SUPT3H: variants seen among roughly 807,000 people sequenced by gnomAD.
SUPT3H encodes the protein transcription initiation protein SPT3 homolog.
SUPT3H carries 44 observed loss-of-function variants against 44.3 expected under a neutral mutation model. That is an observed-to-expected ratio of 0.99 (90% CI 0.78 to 1.28). SUPT3H has a LOEUF of 1.28. Among genes scored for constraint, SUPT3H ranks in the 50% most tolerant of loss-of-function variants. The pLI, the probability that SUPT3H is intolerant of heterozygous loss-of-function variation, is 0.00. For missense variants in SUPT3H, 380 were observed against 387.1 expected (o/e 0.98, Z 0.15); for synonymous variants, 124 against 125.6 (o/e 0.99, Z 0.09).
intron 2 of SUPT3H, among the ~76,000 whole-genome samples, chr6:45,122,908 A>G (rs1054994041): frequency 6.6e-6 from 1 of 152,150 alleles, no homozygotes; most frequent in Non-Finnish European, 1.5e-5. Flanking sequence ...TACATGTTCT[A>G]TTTTCAGCTT....
Position 45,289,016 on chromosome 6 carries a change from T to C in SUPT3H, c.101+76185A>G, listed in dbSNP as rs750662932. Among the ~76,000 whole-genome samples, 29 of 152,106 alleles carry C rather than the reference T, an allele frequency of 1.9e-4. 1 individual carries two copies. The highest frequency in any genetic ancestry group is 4.6e-4 in the Admixed American group (7 of 15,258). On this transcript the variant is annotated intron_variant, in intron 2 of 10. Transcript: ENST00000371459. ...AGGATCCATAGGAGCTATTTCTCTCTACTCTCAGCATCGGGCCAGGATTAG... is the reference window on the plus strand; with the variant it reads ...AGGATCCATAGGAGCTATTTCTCTCCACTCTCAGCATCGGGCCAGGATTAG...
chr6:45,252,894 G>A (rs1361916233), intron 2 of SUPT3H, among the ~76,000 whole-genome samples: 2 of 152,046 alleles, frequency 1.3e-5, no homozygotes, highest in Middle Eastern at 3.2e-3. Context: ...GATTATTCCT[G>A]GGAGGACTGG....
chr6:44,998,808 A>G (rs1337817434), intron 6 of SUPT3H, among the ~76,000 whole-genome samples: 1 of 151,520 alleles, frequency 6.6e-6, no homozygotes, highest in Non-Finnish European at 1.5e-5. Flanking sequence ...TCTCTATTTT[A>G]TTGTAAAATT....
intron 2 of SUPT3H, among the ~76,000 whole-genome samples, chr6:45,228,380 AAG>A (rs1041701154): frequency 6.6e-6 from 1 of 152,164 alleles, no homozygotes; most frequent in Admixed American, 6.5e-5. Context: ...TCCTCCAAGT[AAG>A]AGAGAATTTT....
At chr6:44,950,492 G>A (rs1463194835) in intron 9 of SUPT3H, among the ~76,000 whole-genome samples, 1 of 152,154 alleles carries the variant, frequency 6.6e-6, no homozygotes, top group East Asian at 1.9e-4. Context: ...TGTGCCTGTA[G>A]TCCCAGCTAC....
chr6:45,330,745 G>A (rs17288278), intron 2 of SUPT3H, among the ~76,000 whole-genome samples: 62,729 of 151,216 alleles, frequency 0.41, 13,813 homozygotes, highest in Non-Finnish European at 0.5. Flanking sequence ...ATTACAACCA[G>A]TTCTTCCTCT....
intron 2 of SUPT3H, chr6:45,328,784 GGTAA>G: frequency 6.2e-7 from 1 of 1,611,764 alleles, no homozygotes; most frequent in Non-Finnish European, 8.5e-7. Context: ...CTTCTTTTGG[GGTAA>G]GTGTTACCAT....
At chr6:45,101,449 G>T (rs979542885) in intron 3 of SUPT3H, among the ~76,000 whole-genome samples, 6 of 152,068 alleles carry the variant, frequency 3.9e-5, no homozygotes, top group Non-Finnish European at 5.9e-5. Context: ...ACAAAAAGTT[G>T]ATCTCATAAT....
At chr6:45,220,769 C>A (rs964793682) in intron 2 of SUPT3H, among the ~76,000 whole-genome samples, 8 of 152,132 alleles carry the variant, frequency 5.3e-5, no homozygotes, top group African/African-American at 1.9e-4. Context: ...CAGGCATGGG[C>A]AAGACACTGT....
At chr6:45,043,011 T>A (rs1788781582) in intron 3 of SUPT3H, among the ~76,000 whole-genome samples, 2 of 152,166 alleles carry the variant, frequency 1.3e-5, no homozygotes, top group African/African-American at 4.8e-5. Flanking sequence ...AAAACGGCAG[T>A]GTCCTCCCTT....
At chr6:45,059,728 C>A (rs77571953) in intron 3 of SUPT3H, among the ~76,000 whole-genome samples, 1 of 152,070 alleles carries the variant, frequency 6.6e-6, no homozygotes, top group East Asian at 1.9e-4. Context: ...TGATAAGCAA[C>A]TTCAGCAAAT....
chr6:45,054,530 T>C (rs948957626), intron 3 of SUPT3H, among the ~76,000 whole-genome samples: 3 of 152,230 alleles, frequency 2.0e-5, no homozygotes, highest in Admixed American at 6.5e-5. Flanking sequence ...GTAAAATTTA[T>C]ATGAAATAAA....
At chr6:44,974,317 T>C (rs968585869) in intron 6 of SUPT3H, among the ~76,000 whole-genome samples, 1 of 150,576 alleles carries the variant, frequency 6.6e-6, no homozygotes. Context: ...TGTGTATAAA[T>C]TGTGTGTGTT....
chr6:45,313,852 C>T (rs1243721532), intron 2 of SUPT3H, among the ~76,000 whole-genome samples: 1 of 152,004 alleles, frequency 6.6e-6, no homozygotes, highest in Non-Finnish European at 1.5e-5. Flanking sequence ...AAGAAAACTA[C>T]AGACCGATAT....
chr6:45,211,665 A>T (rs1764101073), intron 2 of SUPT3H, among the ~76,000 whole-genome samples: 1 of 152,072 alleles, frequency 6.6e-6, no homozygotes, highest in Admixed American at 6.5e-5. Flanking sequence ...CCTGGCCAAC[A>T]TGGTGAAACT....
intron 10 of SUPT3H, among the ~76,000 whole-genome samples, chr6:44,918,995 T>C (rs1324274801): frequency 3.3e-5 from 5 of 152,214 alleles, no homozygotes; most frequent in Admixed American, 6.5e-5. Flanking sequence ...GGAATGATTG[T>C]ATGGGTGATG....
intron 7 of SUPT3H, 52 bp from the exon 8 acceptor site, chr6:44,954,659 A>G (rs745417097): frequency 3.0e-6 from 3 of 1,007,816 alleles, no homozygotes; most frequent in Non-Finnish European, 4.7e-6. Context: ...AAAGTGTTTT[A>G]ATACTGCACA....
chr6:45,310,711 T>A (rs992932943), intron 2 of SUPT3H, among the ~76,000 whole-genome samples: 1 of 152,006 alleles, frequency 6.6e-6, no homozygotes, highest in African/African-American at 2.4e-5. Context: ...CAGGAAGCCA[T>A]AACCACAGGA....
chr6:45,063,300 A>C (rs1272083977), intron 3 of SUPT3H, among the ~76,000 whole-genome samples: 1 of 149,724 alleles, frequency 6.7e-6, no homozygotes, highest in Admixed American at 6.6e-5. Flanking sequence ...CCACACCGAA[A>C]ACCCATCTGT....
Sources: gnomAD v4.1 joint callset for allele counts (sites outside exome capture counted in the v4.1 genomes callset) on GRCh38, gnomAD v4.1.1 for gene constraint, MANE v1.5 for transcripts, NCBI Gene and HGNC (gene_info 2026-07-23, HGNC 2026-07-21) for gene names.